The following MICU2 variants were observed in gnomAD, a reference collection of about 807,000 sequenced individuals.
The protein encoded by MICU2 is mitochondrial calcium uptake 2, also known as calcium uptake protein 2, mitochondrial.
Under a neutral mutation model 60.4 loss-of-function variants are expected in MICU2, and 64 were observed. The observed-to-expected ratio is 1.06, with a 90% CI of 0.87 to 1.31. The LOEUF (loss-of-function observed/expected upper bound fraction) is 1.31. MICU2 is among the 50% of genes most tolerant of loss of function. MICU2 has a pLI of 0.00. For synonymous variants in MICU2, 201 were observed against 175.0 expected, an observed-to-expected ratio of 1.15 and a Z score of -1.17; for missense variants, 569 against 531.0, an observed-to-expected ratio of 1.07 and a Z score of -0.70.
intron 2 of MICU2, among the ~76,000 whole-genome samples, chr13:21,553,194 T>C (rs1434480059): frequency 5.9e-5 from 9 of 152,190 alleles, no homozygotes; most frequent in Admixed American, 3.9e-4. Context: ...TTTGAAGCAA[T>C]TGTGAATGGG....
In MICU2 at chr13:21,580,409, T is replaced by C. The variant is rs139296297; in HGVS notation, c.211-13465A>G. Among the ~76,000 whole-genome samples, 567 of 152,312 alleles carry C rather than the reference T, an allele frequency of 3.7e-3. 2 individuals carry two copies. Among genetic ancestry groups the C allele is most frequent in the Non-Finnish European group, 6.1e-3 (413 of 68,018 alleles). ...GACAGAGCTAGCATTTGGGTAATCT[T>C]TCCCTTTTAAAACTTATTGGCGAAT... On this transcript the variant is annotated intron_variant, in intron 1 of 11. Coordinates refer to ENST00000382374, the MANE Select transcript of MICU2 (RefSeq NM_152726.3).
chr13:21,596,322 G>A (rs1888689752), intron 1 of MICU2, among the ~76,000 whole-genome samples: 1 of 151,964 alleles, frequency 6.6e-6, no homozygotes, highest in Admixed American at 6.5e-5. Context: ...TCCACTCCCA[G>A]GACTCACTTC....
chr13:21,533,411 C>T (rs1197542368), intron 4 of MICU2, among the ~76,000 whole-genome samples: 1 of 150,764 alleles, frequency 6.6e-6, no homozygotes, highest in Non-Finnish European at 1.5e-5. Flanking sequence ...GCAAGCTCTG[C>T]CCCCCGGGTT....
At chr13:21,579,811 T>C (rs899656390) in intron 1 of MICU2, among the ~76,000 whole-genome samples, 1 of 152,062 alleles carries the variant, frequency 6.6e-6, no homozygotes, top group Non-Finnish European at 1.5e-5. Flanking sequence ...ATAAAATACA[T>C]CATTAACTGA....
intron 1 of MICU2, among the ~76,000 whole-genome samples, chr13:21,601,632 GA>G (rs66892794): frequency 0.99 from 146,054 of 147,336 alleles, 72,392 homozygotes; most frequent in South Asian, 1. Context: ...AAGTGGGCCA[GA>G]AAAAAAAAAA....
intron 1 of MICU2, among the ~76,000 whole-genome samples, chr13:21,579,773 C>T (rs946618712): frequency 6.6e-6 from 1 of 151,760 alleles, no homozygotes; most frequent in African/African-American, 2.4e-5. Flanking sequence ...TACCCATGGT[C>T]TCAAAAAAAT....
intron 1 of MICU2, among the ~76,000 whole-genome samples, chr13:21,573,191 G>T (rs1298896315): frequency 6.6e-6 from 1 of 152,184 alleles, no homozygotes. Context: ...ACAGTTTGGG[G>T]TTGTCAAATA....
intron 4 of MICU2, among the ~76,000 whole-genome samples, chr13:21,534,366 C>T (rs1275785102): frequency 6.6e-6 from 1 of 152,014 alleles, no homozygotes; most frequent in Non-Finnish European, 1.5e-5. Flanking sequence ...CCACCATGTG[C>T]AGCTAATTTT....
At chr13:21,533,472 G>A (rs1007295011) in intron 4 of MICU2, among the ~76,000 whole-genome samples, 11 of 149,998 alleles carry the variant, frequency 7.3e-5, no homozygotes, top group South Asian at 4.3e-4. Context: ...TACAGGTGCC[G>A]GCCACTGCGC....
At chr13:21,592,632 A>G (rs1288138293) in intron 1 of MICU2, among the ~76,000 whole-genome samples, 3 of 152,352 alleles carry the variant, frequency 2.0e-5, no homozygotes, top group East Asian at 3.9e-4. Flanking sequence ...GGCAAACCCA[A>G]TCAATCCAGC....
chr13:21,529,358 T>A (rs1886932926), intron 4 of MICU2, among the ~76,000 whole-genome samples: 1 of 152,242 alleles, frequency 6.6e-6, no homozygotes, highest in Non-Finnish European at 1.5e-5. Flanking sequence ...ATATTCTGAA[T>A]CCAAGGTAAC....
At chr13:21,539,825 T>G in intron 2 of MICU2, 137 bp from the exon 3 acceptor site, 1 of 747,392 alleles carries the variant, frequency 1.3e-6, no homozygotes, top group Non-Finnish European at 2.1e-6. Flanking sequence ...TAATTTTAGC[T>G]AATATCCTTA....
chr13:21,604,015 G>C lies in MICU2; in HGVS notation c.134C>G (p.Ala45Gly), dbSNP rs1888896820. The C allele has an allele frequency of 6.2e-7, 1 of 1,609,362 alleles. No individual in the cohort carries two copies. Among genetic ancestry groups the C allele is most frequent in the Non-Finnish European group, 8.5e-7 (1 of 1,178,616 alleles). The change falls in exon 1 of 12, where the codon GCA becomes GGA. Residue 45 changes from alanine (A) to glycine (G), a missense_variant. By Grantham distance (60) the Ala-to-Gly change is moderately conservative. Transcript: ENST00000382374. ...LAAAVAGAAL[A>G]GAGAAWHHSR... ...GTGGTGCCAGGCCGCTCCTGCTCCT[G>C]CCAGGGCCGCGCCGGCCACTGCCGC...
chr13:21,495,375 A>C, intron 10 of MICU2, 57 bp from the exon 11 acceptor site: 1 of 1,369,492 alleles, frequency 7.3e-7, no homozygotes, highest in Non-Finnish European at 9.6e-7. Context: ...AAGTGAAATT[A>C]ATCTAAATTT....
intron 2 of MICU2, among the ~76,000 whole-genome samples, chr13:21,560,489 A>C (rs907235943): frequency 6.6e-6 from 1 of 152,118 alleles, no homozygotes; most frequent in African/African-American, 2.4e-5. Flanking sequence ...ATTTGATCTT[A>C]ATTACTGAGG....
chr13:21,584,302 T>C (rs1429010656), intron 1 of MICU2, among the ~76,000 whole-genome samples: 1 of 149,680 alleles, frequency 6.7e-6, no homozygotes, highest in Admixed American at 6.7e-5. Context: ...GGCAGGAGAA[T>C]GGTGTGAAGC....
intron 9 of MICU2, among the ~76,000 whole-genome samples, chr13:21,501,928 G>T (rs1241617984): frequency 6.6e-6 from 1 of 152,074 alleles, no homozygotes; most frequent in Non-Finnish European, 1.5e-5. Flanking sequence ...ATGGAACTGC[G>T]GCATGACTGA....
chr13:21,520,919 ATT>A (rs1886702591), intron 6 of MICU2, among the ~76,000 whole-genome samples: 1 of 151,948 alleles, frequency 6.6e-6, no homozygotes, highest in South Asian at 2.1e-4. Context: ...TTTTAGTATA[ATT>A]TTAGCATATC....
chr13:21,512,194 C>T (rs1055208103), intron 7 of MICU2, among the ~76,000 whole-genome samples: 1 of 152,100 alleles, frequency 6.6e-6, no homozygotes, highest in Non-Finnish European at 1.5e-5. Context: ...ATTTGCATTG[C>T]GCTAATGACT....
Sources: gnomAD v4.1 joint callset for allele counts (sites outside exome capture counted in the v4.1 genomes callset) on GRCh38, gnomAD v4.1.1 for gene constraint, MANE v1.5 for transcripts, NCBI Gene and HGNC (gene_info 2026-07-23, HGNC 2026-07-21) for gene names.